The following PBX1 variants were observed in gnomAD, a reference collection of about 807,000 sequenced individuals.
The protein encoded by PBX1 is PBX homeobox 1.
PBX1 carries 6 observed loss-of-function variants against 53.4 expected under a neutral mutation model. That is an observed-to-expected ratio of 0.11 (90% CI 0.06 to 0.22). PBX1 has a LOEUF of 0.22. PBX1 is among the 10% of genes least tolerant of loss of function. PBX1 has a pLI of 1.00. For synonymous variants in PBX1, 204 were observed against 212.3 expected, an observed-to-expected ratio of 0.96 and a Z score of 0.34; for missense variants, 251 against 551.4, an observed-to-expected ratio of 0.46 and a Z score of 5.46.
chr1:164,601,846 A>T (rs932080688), intron 2 of PBX1, among the ~76,000 whole-genome samples: 1 of 152,084 alleles, frequency 6.6e-6, no homozygotes, highest in Non-Finnish European at 1.5e-5. Context: ...TTGAGAGAGC[A>T]CCTTTAAAAG....
intron 2 of PBX1, among the ~76,000 whole-genome samples, chr1:164,757,869 C>T (rs1414501077): frequency 6.6e-6 from 1 of 152,152 alleles, no homozygotes; most frequent in Non-Finnish European, 1.5e-5. Flanking sequence ...CTTTGGTGGG[C>T]TGGTCAAAGT....
intron 2 of PBX1, among the ~76,000 whole-genome samples, chr1:164,879,749 A>T (rs2102464120): frequency 6.6e-6 from 1 of 152,374 alleles, no homozygotes; most frequent in East Asian, 1.9e-4. Context: ...TAATATGACC[A>T]GATAGATCTT....
intron 2 of PBX1, among the ~76,000 whole-genome samples, chr1:164,707,418 TGAGAGAGAGAGAGAGA>T (rs528876002): frequency 1.1e-4 from 13 of 118,266 alleles, no homozygotes; most frequent in East Asian, 2.2e-4. Context: ...TGTGTGTGTG[TGAGAGAGAGAGAGAGA>T]GAGAGAGAGA....
At chr1:164,746,629 C>A (rs907273430) in intron 2 of PBX1, among the ~76,000 whole-genome samples, 1 of 152,018 alleles carries the variant, frequency 6.6e-6, no homozygotes, top group East Asian at 1.9e-4. Flanking sequence ...AGGCTGTTCT[C>A]GAACTCTTGA....
At chr1:164,839,229 T>C (rs1221325860) in intron 8 of PBX1, among the ~76,000 whole-genome samples, 1 of 152,222 alleles carries the variant, frequency 6.6e-6, no homozygotes, top group African/African-American at 2.4e-5. Context: ...TCTGTATACA[T>C]TATTTTGATA....
intron 5 of PBX1, among the ~76,000 whole-genome samples, chr1:164,809,799 T>C (rs575810033): frequency 3.3e-4 from 50 of 152,238 alleles, no homozygotes; most frequent in African/African-American, 1.2e-3. Flanking sequence ...ATTGACTGTA[T>C]CTCCTCAGAT....
At chr1:164,760,304 C>A (rs1464128326) in intron 2 of PBX1, among the ~76,000 whole-genome samples, 1 of 152,004 alleles carries the variant, frequency 6.6e-6, no homozygotes, top group Admixed American at 6.6e-5. Flanking sequence ...ATGAGAACAA[C>A]AGGATCCTGT....
intron 2 of PBX1, among the ~76,000 whole-genome samples, chr1:164,616,792 C>G (rs1204437597): frequency 6.6e-6 from 1 of 152,182 alleles, no homozygotes; most frequent in Admixed American, 6.5e-5. Context: ...TATTGATACT[C>G]ATCATGTGCT....
Position 164,849,310 on chromosome 1 carries a change from A to G in PBX1, c.*2634A>G. 2.0e-6 allele frequency: 3 copies of G among 1,535,254 alleles called. No homozygotes were observed. Among genetic ancestry groups the G allele is most frequent in the South Asian group, 2.4e-5 (2 of 83,986 alleles). ...ACCTTTCACAGCATTTTCCCCAACC[A>G]GCATTTCACTTAGTCTTCTCTATAC... is the stretch of plus-strand genomic sequence containing the variant. On this transcript the variant is annotated 3_prime_UTR_variant, in exon 9 of 9. Transcript: ENST00000420696.
intron 3 of PBX1, among the ~76,000 whole-genome samples, chr1:164,793,467 T>C (rs1448010529): frequency 6.6e-6 from 1 of 152,148 alleles, no homozygotes; most frequent in African/African-American, 2.4e-5. Context: ...GATCTGTGGA[T>C]TTGGAGTCAC....
chr1:164,845,501 A>ATC lies in PBX1; in HGVS notation c.1201-1083_1201-1082insTC, dbSNP rs1446726877. ...CCTGATCTGTTCAACGTGAACTACA[A>ATC]AGGAACACAGTAATCGAAGGGGGGA... On this transcript the variant is annotated intron_variant, in intron 8 of 8. Coordinates refer to ENST00000420696, the MANE Select transcript of PBX1 (RefSeq NM_002585.4). Among the ~76,000 whole-genome samples, 14 of 152,308 alleles carry ATC rather than the reference A, an allele frequency of 9.2e-5. No homozygotes were observed. The East Asian group carries it at 2.7e-3, about 29-fold the overall frequency.
intron 2 of PBX1, among the ~76,000 whole-genome samples, chr1:164,613,924 C>T (rs535582950): frequency 1.2e-4 from 18 of 152,194 alleles, no homozygotes; most frequent in African/African-American, 4.3e-4. Flanking sequence ...CCAGTATGCA[C>T]CGAGAACCTT....
At chr1:164,620,926 A>G (rs1305721880) in intron 2 of PBX1, among the ~76,000 whole-genome samples, 2 of 151,846 alleles carry the variant, frequency 1.3e-5, no homozygotes, top group African/African-American at 4.8e-5. Flanking sequence ...CAGGTGATCC[A>G]CCCACCTCAG....
intron 2 of PBX1, among the ~76,000 whole-genome samples, chr1:164,629,834 CCAATT>C (rs138876715): frequency 0.085 from 12,912 of 152,120 alleles, 561 homozygotes; most frequent in Middle Eastern, 0.11. Flanking sequence ...GGTTGGCTTG[CCAATT>C]CTTTGATCAA....
chr1:164,578,719 A>T (rs1654418335), intron 2 of PBX1, among the ~76,000 whole-genome samples: 1 of 152,252 alleles, frequency 6.6e-6, no homozygotes, highest in South Asian at 2.1e-4. Context: ...GTCATTCTTG[A>T]CCAAAGTTCA....
intron 2 of PBX1, among the ~76,000 whole-genome samples, chr1:164,688,000 A>G (rs995234333): frequency 5.3e-5 from 8 of 152,172 alleles, no homozygotes; most frequent in African/African-American, 1.9e-4. Context: ...GATACCACAC[A>G]TGCCCTAGGC....
Position 164,851,128 on chromosome 1 carries a change from C to T in PBX1, c.*4452C>T, listed in dbSNP as rs370785680. Reference sequence around the variant, plus strand: ...GAGGTTACGTTTACTTCACAGAGTACACCTCTTAGTAACCTCTGACTTAGG... The same window carrying T: ...GAGGTTACGTTTACTTCACAGAGTATACCTCTTAGTAACCTCTGACTTAGG... On this transcript the variant is annotated 3_prime_UTR_variant, in exon 9 of 9. Coordinates refer to ENST00000420696, the MANE Select transcript of PBX1 (RefSeq NM_002585.4). 2.3e-5 allele frequency: 5 copies of T among 220,668 alleles called. No homozygotes were observed. In the East Asian group the frequency reaches 2.6e-4, roughly 12 times the overall value. 13.7% of individuals were successfully genotyped at this position (220,668 alleles called of 1,614,324 possible).
In PBX1 at chr1:164,655,791, C is replaced by T. The variant is rs147257939; in HGVS notation, c.265+92480C>T. 6.1e-4 allele frequency among the ~76,000 whole-genome samples: 93 copies of T among 152,260 alleles called. 1 individual carries two copies. The highest frequency in any genetic ancestry group is 1.2e-3 in the Non-Finnish European group (85 of 68,028). On this transcript the variant is annotated intron_variant, in intron 2 of 8. Coordinates refer to ENST00000420696, the MANE Select transcript of PBX1 (RefSeq NM_002585.4). Reference sequence around the variant, plus strand: ...AATGTGATGTAGCCTCCCTAAATCTCAGTGAATAGGATTTTACATGGCATC... The same window carrying T: ...AATGTGATGTAGCCTCCCTAAATCTTAGTGAATAGGATTTTACATGGCATC...
intron 3 of PBX1, among the ~76,000 whole-genome samples, chr1:164,798,382 C>T (rs1431842125): frequency 1.3e-5 from 2 of 152,324 alleles, no homozygotes; most frequent in East Asian, 3.9e-4. Context: ...TGTTGTGAAT[C>T]TAATATAGTT....
Sources: gnomAD v4.1 joint callset for allele counts (sites outside exome capture counted in the v4.1 genomes callset) on GRCh38, gnomAD v4.1.1 for gene constraint, MANE v1.5 for transcripts, NCBI Gene and HGNC (gene_info 2026-07-23, HGNC 2026-07-21) for gene names.